The following AGPAT2 variants were observed in gnomAD, a reference collection of about 807,000 sequenced individuals.
AGPAT2 encodes the protein 1-acyl-sn-glycerol-3-phosphate acyltransferase beta.
A neutral mutation model predicts 26.1 loss-of-function variants in AGPAT2; 18 were observed. That is an observed-to-expected ratio of 0.69 (90% CI 0.48 to 1.02). The LOEUF is 1.02. Ranked by LOEUF, AGPAT2 falls within the 50% of genes least tolerant of loss-of-function variation. The pLI is 0.00. For missense variants in AGPAT2, 415 were observed against 394.9 expected (o/e 1.05, Z -0.43); for synonymous variants, 200 against 174.2 (o/e 1.15, Z -1.16).
At chr9:136,685,443 G>C (rs569800414) in intron 1 of AGPAT2, among the ~76,000 whole-genome samples, 9 of 152,334 alleles carry the variant, frequency 5.9e-5, no homozygotes, top group African/African-American at 2.2e-4. Flanking sequence ...AAAACAGCTA[G>C]GAAGTCCAGG....
At chr9:136,674,046 G>T in intron 5 of AGPAT2, 119 bp from the exon 6 acceptor site, 2 of 1,024,266 alleles carry the variant, frequency 2.0e-6, no homozygotes, top group Admixed American at 7.1e-5. Flanking sequence ...GCCCGAGGCC[G>T]GGCTCTTCCC....
intron 1 of AGPAT2, among the ~76,000 whole-genome samples, chr9:136,684,442 A>G (rs1421866234): frequency 6.6e-6 from 1 of 152,190 alleles, no homozygotes. Context: ...TCTCAGCCCC[A>G]AGCCCGGTGG....
At chr9:136,683,001 C>T (rs2119197100) in intron 1 of AGPAT2, among the ~76,000 whole-genome samples, 1 of 141,192 alleles carries the variant, frequency 7.1e-6, no homozygotes, top group Non-Finnish European at 1.5e-5. Context: ...GCGGAGACAC[C>T]CGGGGCACCA....
intron 1 of AGPAT2, among the ~76,000 whole-genome samples, chr9:136,679,327 CT>C (rs1037103660): frequency 6.6e-6 from 1 of 152,142 alleles, no homozygotes; most frequent in African/African-American, 2.4e-5. Context: ...TCATGACCCC[CT>C]GTTGCAGATG....
At position 136,677,227 on chromosome 9, in the gene AGPAT2, C is replaced by A. The variant is rs1017984201; in HGVS notation, c.317-91G>T. ...GAGCACCCACAGGCCTGCCTGGCACCCTGCCTTCTCCCTGGCTACCTGGAC... is the reference window on the plus strand; with the variant it reads ...GAGCACCCACAGGCCTGCCTGGCACACTGCCTTCTCCCTGGCTACCTGGAC... On this transcript the variant is annotated intron_variant, in intron 2 of 5. Transcript: ENST00000371696. 7.8e-6 allele frequency: 12 copies of A among 1,532,854 alleles called. No individual in the cohort carries two copies. In the South Asian group the frequency reaches 1.3e-4, roughly 16 times the overall value. 95.0% of individuals were successfully genotyped at this position (1,532,854 alleles called of 1,614,324 possible).
rs554101638 is a variant in AGPAT2, at chr9:136,683,637, G to C, written c.182+3539C>G. On this transcript the variant is annotated intron_variant, in intron 1 of 5. Transcript: ENST00000371696. ...CCCACACAAACACCCGGATGTGGGG[G>C]GTCCCCGTGACTCCTCAAAGCGGAT... Among the ~76,000 whole-genome samples, 4 of 152,346 alleles carry C rather than the reference G, an allele frequency of 2.6e-5. No individual in the cohort carries two copies. In the East Asian group the frequency reaches 7.7e-4, roughly 29 times the overall value.
chr9:136,685,597 A>G (rs984182476), intron 1 of AGPAT2, among the ~76,000 whole-genome samples: 1 of 152,186 alleles, frequency 6.6e-6, no homozygotes, highest in Non-Finnish European at 1.5e-5. Flanking sequence ...CCAAAAGAAC[A>G]GGACCCCGTC....
At chr9:136,675,081 C>T (rs1217358144) in intron 4 of AGPAT2, among the ~76,000 whole-genome samples, 1 of 152,190 alleles carries the variant, frequency 6.6e-6, no homozygotes, top group Non-Finnish European at 1.5e-5. Flanking sequence ...ACACCTGTCC[C>T]CATATTGGGT....
chr9:136,674,709 C>T (rs1294275622), intron 5 of AGPAT2, 26 bp downstream of exon 5: 50 of 1,421,654 alleles, frequency 3.5e-5, no homozygotes, highest in Non-Finnish European at 4.5e-5. Context: ...GGGGCCTACA[C>T]CCCGGGTGCA....
At position 136,673,891 on chromosome 9, in the gene AGPAT2, G is replaced by A. The variant is rs536777709; in HGVS notation, c.698C>T (p.Thr233Ile). The change falls in exon 6 of 6, where the codon ACC (threonine) becomes ATC (isoleucine). Residue 233 changes from threonine (T) to isoleucine (I), a missense_variant. Coordinates refer to ENST00000371696, the MANE Select transcript of AGPAT2 (RefSeq NM_006412.4). ...GACGTCCGCCGCAGTGAGGCCGCTG[G>A]TGGGGATGGCTTCCAGCACCTGCAC... Reference protein sequence around the residue: ...VTVQVLEAIPTSGLTAADVPA... With the variant: ...VTVQVLEAIPISGLTAADVPA... 4.9e-5 allele frequency: 78 copies of A among 1,599,202 alleles called. 1 individual carries two copies. In the South Asian group the frequency reaches 7.9e-4, roughly 16 times the overall value.
At chr9:136,675,805 A>G (rs992967337) in intron 4 of AGPAT2, among the ~76,000 whole-genome samples, 3 of 152,142 alleles carry the variant, frequency 2.0e-5, no homozygotes, top group African/African-American at 7.2e-5. Flanking sequence ...ATGCTCACCC[A>G]GCCCAGCGCC....
chr9:136,680,862 T>G (rs1846150429), intron 1 of AGPAT2, among the ~76,000 whole-genome samples: 1 of 151,562 alleles, frequency 6.6e-6, no homozygotes, highest in South Asian at 2.1e-4. Flanking sequence ...AGACGGGGTT[T>G]CACCATGTCG....
At chr9:136,681,572 C>T (rs751789721) in intron 1 of AGPAT2, among the ~76,000 whole-genome samples, 3 of 152,172 alleles carry the variant, frequency 2.0e-5, no homozygotes, top group Non-Finnish European at 2.9e-5. Flanking sequence ...GAGGCCAAGG[C>T]GGGCAGATCA....
rs191511316 is a variant in AGPAT2, at chr9:136,682,017, G to A, written c.183-4461C>T. ...GACAGTAACCCCCCAGGGTAGGTAC[G>A]ATCATAACCCCCCTCTTCAGATGAG... is the stretch of plus-strand genomic sequence containing the variant. On this transcript the variant is annotated intron_variant, in intron 1 of 5. Transcript: ENST00000371696. 9.2e-5 allele frequency among the ~76,000 whole-genome samples: 14 copies of A among 152,252 alleles called. No individual in the cohort carries two copies. The East Asian group carries it at 2.5e-3, about 27-fold the overall frequency.
At position 136,677,509 on chromosome 9, in the gene AGPAT2, C is replaced by T. The variant is rs375796317; in HGVS notation, c.230G>A (p.Arg77His). 5.3e-5 allele frequency: 85 copies of T among 1,612,998 alleles called. 1 individual carries two copies. The African/African-American group carries it at 5.7e-4, about 11-fold the overall frequency. The part of the protein sequence containing the change: ...VRSFKYFYGL[R>H]FEVRDPRRLQ... ...CCTGCGCGGGTCCCGCACCTCGAAGCGGAGCCCGTAAAAGTACTTGAAGCT... is the reference window on the plus strand; with the variant it reads ...CCTGCGCGGGTCCCGCACCTCGAAGTGGAGCCCGTAAAAGTACTTGAAGCT... The change falls in exon 2 of 6, where the codon CGC becomes CAC. Residue 77 changes from arginine to histidine, a missense_variant. Coordinates refer to ENST00000371696, the MANE Select transcript of AGPAT2 (RefSeq NM_006412.4).
At chr9:136,683,728 T>A (rs2131019613) in intron 1 of AGPAT2, among the ~76,000 whole-genome samples, 1 of 152,140 alleles carries the variant, frequency 6.6e-6, no homozygotes, top group Non-Finnish European at 1.5e-5. Context: ...CATCCCTCAG[T>A]CAGGACAGCT....
rs1001215760 is a variant in AGPAT2, at chr9:136,675,794, G to T, written c.588+791C>A. On this transcript the variant is annotated intron_variant, in intron 4 of 5. Transcript: ENST00000371696. Reference sequence around the variant, plus strand: ...GGCAGGGCTGGGATCAGAGCCCAAGGATGCTCACCCAGCCCAGCGCCTCCG... The same window carrying T: ...GGCAGGGCTGGGATCAGAGCCCAAGTATGCTCACCCAGCCCAGCGCCTCCG... 5.9e-5 allele frequency among the ~76,000 whole-genome samples: 9 copies of T among 152,296 alleles called. No individual in the cohort carries two copies. In the East Asian group the frequency reaches 1.5e-3, roughly 26 times the overall value.
rs1344503242 is a variant in AGPAT2 at position 136,677,142 on chromosome 9, AG to A, written c.317-7del. ...CGGAAGGACCTCCATGAGGCCTGGG[AG>A]ACAGAGAGACAGAGACAGAGAGAGA... On this transcript the variant is annotated splice_polypyrimidine_tract_variant and splice_region_variant and intron_variant, in intron 2 of 5. Coordinates refer to ENST00000371696, the MANE Select transcript of AGPAT2 (RefSeq NM_006412.4). 24 of 1,612,576 alleles carry A rather than the reference AG, an allele frequency of 1.5e-5. No individual in the cohort carries two copies. Among genetic ancestry groups the A allele is most frequent in the Non-Finnish European group, 1.6e-5 (19 of 1,179,812 alleles).
chr9:136,687,155 C>G (rs2131023545), intron 1 of AGPAT2, 21 bp downstream of exon 1: 1 of 1,574,266 alleles, frequency 6.4e-7, no homozygotes, highest in Non-Finnish European at 8.6e-7. Flanking sequence ...CCCGGCCCCT[C>G]CCGGCGGCCC....
Sources: gnomAD v4.1 joint callset for allele counts (sites outside exome capture counted in the v4.1 genomes callset) on GRCh38, gnomAD v4.1.1 for gene constraint, MANE v1.5 for transcripts, NCBI Gene and HGNC (gene_info 2026-07-23, HGNC 2026-07-21) for gene names.